THSD7A: variants seen among roughly 807,000 people sequenced by gnomAD.
THSD7A encodes the protein thrombospondin type 1 domain containing 7A.
Under a neutral mutation model 231.3 loss-of-function variants are expected in THSD7A, and 96 were observed. That is an observed-to-expected ratio of 0.41 (90% confidence interval 0.35 to 0.49). The LOEUF (loss-of-function observed/expected upper bound fraction) is 0.49. Among genes scored for constraint, THSD7A ranks in the 20% least tolerant of loss-of-function variants. The pLI, the probability that THSD7A is intolerant of heterozygous loss-of-function variation, is 0.05. For missense variants in THSD7A, 2,290 were observed against 2,070.2 expected, an observed-to-expected ratio of 1.11 and a Z score of -2.06; for synonymous variants, 940 against 743.3, an observed-to-expected ratio of 1.26 and a Z score of -4.30.
At chr7:11,594,883 G>A (rs1291429282) in intron 2 of THSD7A, among the ~76,000 whole-genome samples, 1 of 152,188 alleles carries the variant, frequency 6.6e-6, no homozygotes, top group African/African-American at 2.4e-5. Context: ...CTGTTAAAGT[G>A]AGGGCATTGA....
At chr7:11,382,473 T>C in intron 24 of THSD7A, 48 bp downstream of exon 24, 1 of 1,404,866 alleles carries the variant, frequency 7.1e-7, no homozygotes. Flanking sequence ...CAATCACATG[T>C]GTGTTACAGG....
At chr7:11,574,963 C>G (rs1562734935) in intron 4 of THSD7A, among the ~76,000 whole-genome samples, 1 of 152,106 alleles carries the variant, frequency 6.6e-6, no homozygotes, top group Non-Finnish European at 1.5e-5. Flanking sequence ...GTTCTGGAGC[C>G]AGACTGATTC....
intron 13 of THSD7A, among the ~76,000 whole-genome samples, chr7:11,440,395 T>C (rs1453296087): frequency 6.6e-6 from 1 of 152,032 alleles, no homozygotes; most frequent in African/African-American, 2.4e-5. Flanking sequence ...ACAAGTCTTA[T>C]TATTTAAGAA....
At position 11,427,981 on chromosome 7, in the gene THSD7A, G is replaced by A. The variant is rs146285616; in HGVS notation, c.3243+966C>T. ...CTTTTTATAGAATTTAATTCTTCAC[G>A]ATCTTCATCTTAATTTACTTAATTC... is the stretch of plus-strand genomic sequence containing the variant. On this transcript the variant is annotated intron_variant, in intron 14 of 27. Coordinates refer to ENST00000423059, the MANE Select transcript of THSD7A (RefSeq NM_015204.3). Among the ~76,000 whole-genome samples the A allele has an allele frequency of 4.9e-3, 741 of 152,172 alleles. 7 individuals are homozygous for A. The highest frequency in any genetic ancestry group is 0.017 in the African/African-American group (705 of 41,526).
chr7:11,475,345 T>C (rs2128302635), intron 7 of THSD7A, among the ~76,000 whole-genome samples: 1 of 152,164 alleles, frequency 6.6e-6, no homozygotes, highest in Non-Finnish European at 1.5e-5. Context: ...CAGCATTAGC[T>C]GTGGGGTACT....
chr7:11,395,995 A>G (rs890254054), intron 23 of THSD7A, among the ~76,000 whole-genome samples: 1 of 152,210 alleles, frequency 6.6e-6, no homozygotes, highest in Non-Finnish European at 1.5e-5. Context: ...AACCCACTCA[A>G]AACCGCTCAA....
intron 4 of THSD7A, among the ~76,000 whole-genome samples, chr7:11,565,096 C>A (rs1790251387): frequency 6.6e-6 from 1 of 152,144 alleles, no homozygotes; most frequent in Non-Finnish European, 1.5e-5. Flanking sequence ...AGAACTCATA[C>A]TGAACTCTTC....
At chr7:11,478,331 C>A (rs1011741712) in intron 7 of THSD7A, among the ~76,000 whole-genome samples, 1 of 152,250 alleles carries the variant, frequency 6.6e-6, no homozygotes, top group Non-Finnish European at 1.5e-5. Flanking sequence ...AGTGTAGAGT[C>A]ACTCTTCTAT....
chr7:11,375,643 G>T lies in THSD7A; in HGVS notation c.*151C>A. ...TGGTACTGTCTTAAATATCTCCAGT[G>T]GCAGTATGATTTTCACTCTTGTCTT... On this transcript the variant is annotated 3_prime_UTR_variant, in exon 28 of 28. Transcript: ENST00000423059. 1 of 618,448 alleles carries T rather than the reference G, an allele frequency of 1.6e-6. No individual in the cohort carries two copies. Among genetic ancestry groups the T allele is most frequent in the Non-Finnish European group, 2.8e-6 (1 of 351,614 alleles). 38.3% of individuals were successfully genotyped at this position (618,448 alleles called of 1,614,324 possible).
In THSD7A at chr7:11,411,921, C is replaced by A. The variant is rs1222331102; in HGVS notation, c.3683-599G>T. On this transcript the variant is annotated intron_variant, in intron 18 of 27. Transcript: ENST00000423059. This position sits in a 1 kb window ranked among gnomAD's most constrained non-coding sequence, Gnocchi z 4.1. ...TAACTGTGATTTTTTTTTTTTGTATCATCAAAGGAAACTGAAGAGAAAAAC... is the reference window on the plus strand; with the variant it reads ...TAACTGTGATTTTTTTTTTTTGTATAATCAAAGGAAACTGAAGAGAAAAAC... 8.0e-5 allele frequency among the ~76,000 whole-genome samples: 12 copies of A among 150,134 alleles called. No individual in the cohort carries two copies. The highest frequency in any genetic ancestry group is 8.0e-4 in the Admixed American group (12 of 15,068).
At chr7:11,500,259 T>C (rs1416930786) in intron 6 of THSD7A, among the ~76,000 whole-genome samples, 1 of 152,170 alleles carries the variant, frequency 6.6e-6, no homozygotes, top group Admixed American at 6.5e-5. Flanking sequence ...ATAAGATGCT[T>C]TTCAGATAAG....
intron 6 of THSD7A, among the ~76,000 whole-genome samples, chr7:11,516,270 A>T (rs765615081): frequency 6.6e-6 from 1 of 152,214 alleles, no homozygotes; most frequent in African/African-American, 2.4e-5. Flanking sequence ...CACTTACAAA[A>T]TCAGAAATTT....
At chr7:11,703,187 C>T (rs1275698639) in intron 1 of THSD7A, among the ~76,000 whole-genome samples, 1 of 151,260 alleles carries the variant, frequency 6.6e-6, no homozygotes, top group Non-Finnish European at 1.5e-5. Context: ...ACCATTCAAA[C>T]TTCCTGGCAG....
At chr7:11,543,158 G>A in intron 4 of THSD7A, 41 bp from the exon 5 acceptor site, 1 of 1,564,780 alleles carries the variant, frequency 6.4e-7, no homozygotes, top group Non-Finnish European at 8.7e-7. Context: ...ATGAACAAAA[G>A]GAACATATAT....
At chr7:11,508,499 A>G (rs1033027761) in intron 6 of THSD7A, among the ~76,000 whole-genome samples, 6 of 152,340 alleles carry the variant, frequency 3.9e-5, no homozygotes, top group African/African-American at 1.4e-4. Context: ...ATTGATGAGA[A>G]TACAAAATGG....
chr7:11,793,582 G>GA (rs1178315137), intron 1 of THSD7A, among the ~76,000 whole-genome samples: 2 of 151,622 alleles, frequency 1.3e-5, no homozygotes, highest in Non-Finnish European at 3.0e-5. Flanking sequence ...GTTTTAAAAT[G>GA]AAAAAAATGA....
chr7:11,681,130 T>G (rs1466646089), intron 1 of THSD7A, among the ~76,000 whole-genome samples: 1 of 152,034 alleles, frequency 6.6e-6, no homozygotes, highest in African/African-American at 2.4e-5. Flanking sequence ...ATCTTCTCAC[T>G]TATAAGTGGG....
Position 11,814,962 on chromosome 7 carries a change from T to C in THSD7A, c.190+16795A>G, listed in dbSNP as rs1029095920. On this transcript the variant is annotated intron_variant, in intron 1 of 27. Coordinates refer to ENST00000423059, the MANE Select transcript of THSD7A (RefSeq NM_015204.3). The surrounding 1 kb of genome is among the most constrained non-coding windows in gnomAD (Gnocchi z 5.1). ...TCTCTCCACAGGGCCCATGAACTAATGGGAACAAATGAAGCACAGTGCATA... is the reference window on the plus strand; with the variant it reads ...TCTCTCCACAGGGCCCATGAACTAACGGGAACAAATGAAGCACAGTGCATA... 6.6e-6 allele frequency among the ~76,000 whole-genome samples: 1 copy of C among 151,942 alleles called. No homozygotes were observed. The highest frequency in any genetic ancestry group is 1.5e-5 in the Non-Finnish European group (1 of 68,006).
At chr7:11,680,859 C>T (rs1301916004) in intron 1 of THSD7A, among the ~76,000 whole-genome samples, 1 of 152,018 alleles carries the variant, frequency 6.6e-6, no homozygotes, top group Non-Finnish European at 1.5e-5. Context: ...GAGTGTATAC[C>T]TAAAGAATTA....
Sources: allele counts gnomAD v4.1 joint callset (sites outside exome capture counted in the v4.1 genomes callset), GRCh38; gene constraint gnomAD v4.1.1; non-coding constraint Gnocchi (gnomAD v3.1); transcripts MANE v1.5; gene names NCBI Gene and HGNC (gene_info 2026-07-23, HGNC 2026-07-21).